The following KCNQ1 variants were observed in gnomAD, a reference collection of about 807,000 sequenced individuals.
KCNQ1 encodes the protein potassium voltage-gated channel subfamily Q member 1.
Under a neutral mutation model 72.4 loss-of-function variants are expected in KCNQ1, and 49 were observed. The ratio of observed to expected loss-of-function variants is 0.68; its 90% confidence interval spans 0.54 to 0.86. The LOEUF (loss-of-function observed/expected upper bound fraction) is 0.86, where lower values mean the gene tolerates loss of function less well. Among genes scored for constraint, KCNQ1 ranks in the 40% least tolerant of loss-of-function variants. The pLI, the probability that KCNQ1 is intolerant of heterozygous loss-of-function variation, is 0.00. For synonymous variants in KCNQ1, 450 were observed against 412.6 expected, an observed-to-expected ratio of 1.09 and a Z score of -1.10; for missense variants, 790 against 945.1, an observed-to-expected ratio of 0.84 and a Z score of 2.15.
chr11:2,732,393 T>G (rs1231645271), intron 11 of KCNQ1, among the ~76,000 whole-genome samples: 1 of 152,162 alleles, frequency 6.6e-6, no homozygotes, highest in Non-Finnish European at 1.5e-5. Context: ...TGGGGCCTCC[T>G]CTTTCCACAC....
rs1848829387 is a variant in KCNQ1, at chr11:2,603,046, A to G, written c.1393+14192A>G. Among the ~76,000 whole-genome samples the G allele has an allele frequency of 6.6e-6, 1 of 152,220 alleles. No homozygotes were observed. Among genetic ancestry groups the G allele is most frequent in the South Asian group, 2.1e-4 (1 of 4,836 alleles). Reference sequence around the variant, plus strand: ...ACAGCCTTGTGGAGATATAGTTTACATACCATACAATTCACCCATTTAAAG... The same window carrying G: ...ACAGCCTTGTGGAGATATAGTTTACGTACCATACAATTCACCCATTTAAAG... On this transcript the variant is annotated intron_variant, in intron 10 of 15. Transcript: ENST00000155840. This position sits in a 1 kb window ranked among gnomAD's most constrained non-coding sequence, Gnocchi z 4.1.
At position 2,676,149 on chromosome 11, in the gene KCNQ1, T is replaced by C. The variant is rs1048579690; in HGVS notation, c.1514+14068T>C. ...TTTATACAAATGGTAGCATACTGTA[T>C]GTATTTTTCTACACTTTGCCTTTGA... is the stretch of plus-strand genomic sequence containing the variant. On this transcript the variant is annotated intron_variant, in intron 11 of 15. Coordinates refer to ENST00000155840, the MANE Select transcript of KCNQ1 (RefSeq NM_000218.3). The surrounding 1 kb of genome is among the most constrained non-coding windows in gnomAD (Gnocchi z 4.2). The C allele has an allele frequency of 1.5e-5, 6 of 398,562 alleles. No individual in the cohort carries two copies. The highest frequency in any genetic ancestry group is 2.7e-5 in the Non-Finnish European group (6 of 226,088). 24.7% of individuals were successfully genotyped at this position (398,562 alleles called of 1,614,324 possible). A position where few individuals can be genotyped will look rare whatever the true frequency, so the allele number is the denominator to read the frequency against.
intron 1 of KCNQ1, among the ~76,000 whole-genome samples, chr11:2,489,109 T>G (rs1846790282): frequency 6.6e-6 from 1 of 152,206 alleles, no homozygotes; most frequent in Non-Finnish European, 1.5e-5. Flanking sequence ...GCAATCACAG[T>G]ATCTGCTTTT....
chr11:2,641,168 C>T, intron 10 of KCNQ1: 2 of 398,416 alleles, frequency 5.0e-6, no homozygotes, highest in Non-Finnish European at 4.4e-6. Flanking sequence ...ATATCTTTTC[C>T]TTTAGATAAA....
intron 11 of KCNQ1, chr11:2,686,290 C>G: frequency 7.5e-6 from 3 of 398,726 alleles, no homozygotes; most frequent in Non-Finnish European, 1.3e-5. Context: ...CTTGGGAGGC[C>G]AGACCACAGA....
intron 11 of KCNQ1, among the ~76,000 whole-genome samples, chr11:2,714,739 G>C (rs1335083549): frequency 6.6e-6 from 1 of 152,200 alleles, no homozygotes; most frequent in Non-Finnish European, 1.5e-5. Flanking sequence ...CTTGGGGCCG[G>C]GGTGGTAGGG....
At chr11:2,622,400 T>C (rs1310523720) in intron 10 of KCNQ1, 1 of 398,392 alleles carries the variant, frequency 2.5e-6, no homozygotes, top group Non-Finnish European at 4.4e-6. Context: ...GTATGAAATA[T>C]CATTTTTCAT....
At chr11:2,648,509 A>T (rs1849702140) in intron 10 of KCNQ1, 1 of 398,350 alleles carries the variant, frequency 2.5e-6, no homozygotes, top group Non-Finnish European at 4.4e-6. Flanking sequence ...TAAATTTTTA[A>T]AATCAATTTC....
intron 11 of KCNQ1, chr11:2,694,989 G>A: frequency 2.5e-6 from 1 of 398,736 alleles, no homozygotes. Context: ...AAGGCTGGCA[G>A]AGCCAAAGCT....
In KCNQ1 at chr11:2,450,981, T is replaced by G. The variant is rs1306109623; in HGVS notation, c.386+5497T>G. ...GAAGATCCATGATGGGACCCAGGTG[T>G]CTTCCCACTTCTCGACCATCTCCTG... is the stretch of plus-strand genomic sequence containing the variant. On this transcript the variant is annotated intron_variant, in intron 1 of 15. Transcript: ENST00000155840. This position sits in a 1 kb window ranked among gnomAD's most constrained non-coding sequence, Gnocchi z 7.9. Among the ~76,000 whole-genome samples the G allele has an allele frequency of 3.9e-5, 6 of 152,076 alleles. No individual in the cohort carries two copies. Among genetic ancestry groups the G allele is most frequent in the Non-Finnish European group, 5.9e-5 (4 of 67,998 alleles).
rs530650386 is a variant in KCNQ1, at chr11:2,625,861, G to A, written c.1394-36100G>A. On this transcript the variant is annotated intron_variant, in intron 10 of 15. Transcript: ENST00000155840. ...TGGGATTACAGGCGTGAGCCACCGT[G>A]CCTGGCCCTTTTGCCCATTTTTCAG... The A allele has an allele frequency of 4.5e-5, 18 of 398,644 alleles. No homozygotes were observed. The South Asian group carries it at 2.2e-3, about 48-fold the overall frequency. The allele number at this position is 398,644 out of a possible 1,614,324, so 24.7% of individuals were successfully genotyped here.
rs150051664 is a variant in KCNQ1 at position 2,541,016 on chromosome 11, C to T, written c.477+12998C>T. Among the ~76,000 whole-genome samples, 264 of 152,304 alleles carry T rather than the reference C, an allele frequency of 1.7e-3. 5 individuals carry two copies. Among genetic ancestry groups the T allele is most frequent in the Middle Eastern group, 0.014 (4 of 294 alleles). On this transcript the variant is annotated intron_variant, in intron 2 of 15. Coordinates refer to ENST00000155840, the MANE Select transcript of KCNQ1 (RefSeq NM_000218.3). The surrounding 1 kb of genome is among the most constrained non-coding windows in gnomAD (Gnocchi z 4.8). ...ATATGTGCACGGATGGGCGTGTGGA[C>T]GTATGCACACATAGGTACCCATGTG... is the stretch of plus-strand genomic sequence containing the variant.
chr11:2,848,651 G>A lies in KCNQ1; in HGVS notation c.*648G>A, dbSNP rs780272542. 2 of 451,708 alleles carry A rather than the reference G, an allele frequency of 4.4e-6. No individual in the cohort carries two copies. Among genetic ancestry groups the A allele is most frequent in the South Asian group, 1.6e-5 (1 of 64,434 alleles). The allele number at this position is 451,708 out of a possible 1,614,324, so 28.0% of individuals were successfully genotyped here. Reference sequence around the variant, plus strand: ...CCCAGGGCACGTGGTTGAGTGGGGGGAACGCCCACTTCCCTGGGTTAGACT... The same window carrying A: ...CCCAGGGCACGTGGTTGAGTGGGGGAAACGCCCACTTCCCTGGGTTAGACT... On this transcript the variant is annotated 3_prime_UTR_variant, in exon 16 of 16. Coordinates refer to ENST00000155840, the MANE Select transcript of KCNQ1 (RefSeq NM_000218.3).
intron 10 of KCNQ1, chr11:2,631,021 A>G: frequency 5.0e-6 from 2 of 398,460 alleles, no homozygotes; most frequent in Non-Finnish European, 8.8e-6. Context: ...CTTGTCTTCC[A>G]TTTTTTACAT....
At position 2,669,703 on chromosome 11, in the gene KCNQ1, C is replaced by T. The variant is rs994826043; in HGVS notation, c.1514+7622C>T. 5.0e-6 allele frequency: 2 copies of T among 398,514 alleles called. No homozygotes were observed. Among genetic ancestry groups the T allele is most frequent in the African/African-American group, 4.1e-5 (2 of 48,614 alleles). The allele number at this position is 398,514 out of a possible 1,614,324, so 24.7% of individuals were successfully genotyped here. A position where few individuals can be genotyped will look rare whatever the true frequency, so the allele number is the denominator to read the frequency against. On this transcript the variant is annotated intron_variant, in intron 11 of 15. Coordinates refer to ENST00000155840, the MANE Select transcript of KCNQ1 (RefSeq NM_000218.3). This position sits in a 1 kb window ranked among gnomAD's most constrained non-coding sequence, Gnocchi z 5.6. ...CCTTGAGGAGATGGTGTTAGGCATC[C>T]AGCCACATACCTGACTCGGGGAAAT...
Position 2,541,113 on chromosome 11 carries a change from C to T in KCNQ1, c.477+13095C>T, listed in dbSNP as rs938771320. 3.9e-5 allele frequency among the ~76,000 whole-genome samples: 6 copies of T among 152,232 alleles called. No individual in the cohort carries two copies. The highest frequency in any genetic ancestry group is 1.4e-4 in the African/African-American group (6 of 41,478). On this transcript the variant is annotated intron_variant, in intron 2 of 15. Coordinates refer to ENST00000155840, the MANE Select transcript of KCNQ1 (RefSeq NM_000218.3). The surrounding 1 kb of genome is among the most constrained non-coding windows in gnomAD (Gnocchi z 4.8). ...CATGCACACGTGCACACGTGCACAC[C>T]CAGCCCTGGACCTCAGGCAGGCAGG...
rs539991604 is a variant in KCNQ1, at chr11:2,824,501, G to T, written c.1795-23266G>T. Among the ~76,000 whole-genome samples, 2 of 152,310 alleles carry T rather than the reference G, an allele frequency of 1.3e-5. No individual in the cohort carries two copies. The highest frequency in any genetic ancestry group is 3.9e-4 in the East Asian group (2 of 5,176). On this transcript the variant is annotated intron_variant, in intron 15 of 15. Transcript: ENST00000155840. The surrounding 1 kb of genome is among the most constrained non-coding windows in gnomAD (Gnocchi z 5.9). ...GCCTGAAAGGTTCTGAGGTGTCCAC[G>T]TGGAGGTGTTTGCCCGGCAGTTTAG...
chr11:2,447,602 A>G lies in KCNQ1; in HGVS notation c.386+2118A>G, dbSNP rs1210976011. On this transcript the variant is annotated intron_variant, in intron 1 of 15. Transcript: ENST00000155840. The surrounding 1 kb of genome is among the most constrained non-coding windows in gnomAD (Gnocchi z 7.6). ...CCTGGTCATAGAACCAGGATGGCAG[A>G]GTAGCTGGAGGCCACCTGCAGCCTC... 6.6e-6 allele frequency among the ~76,000 whole-genome samples: 1 copy of G among 152,068 alleles called. No homozygotes were observed. Among genetic ancestry groups the G allele is most frequent in the East Asian group, 1.9e-4 (1 of 5,176 alleles).
chr11:2,586,338 G>C (rs867169514), intron 8 of KCNQ1, among the ~76,000 whole-genome samples: 4 of 152,242 alleles, frequency 2.6e-5, no homozygotes, highest in African/African-American at 9.6e-5. Context: ...CATCGGGGGG[G>C]CTGTGTGCTC....
Sources: allele counts gnomAD v4.1 joint callset (sites outside exome capture counted in the v4.1 genomes callset), GRCh38; gene constraint gnomAD v4.1.1; non-coding constraint Gnocchi (gnomAD v3.1); transcripts MANE v1.5; gene names NCBI Gene and HGNC (gene_info 2026-07-23, HGNC 2026-07-21).